ENTPD5: variants seen among roughly 807,000 people sequenced by gnomAD.
ENTPD5 encodes the protein nucleoside diphosphate phosphatase ENTPD5.
In ENTPD5, 49 loss-of-function variants were observed where a neutral mutation model predicts 60.2. That is an observed-to-expected ratio of 0.81 (90% CI 0.65 to 1.03). ENTPD5 has a LOEUF of 1.03. Ranked by LOEUF, ENTPD5 falls within the 50% of genes least tolerant of loss-of-function variation. The pLI is 0.00. For missense variants in ENTPD5, 480 were observed against 507.6 expected (o/e 0.95, Z 0.52); for synonymous variants, 187 against 185.4 (o/e 1.01, Z -0.07).
chr14:73,985,594 A>AT (rs1216759941), intron 5 of ENTPD5, among the ~76,000 whole-genome samples: 1 of 151,614 alleles, frequency 6.6e-6, no homozygotes, highest in African/African-American at 2.4e-5. Flanking sequence ...GGGTTGTTTG[A>AT]TTTTTTCTTG....
chr14:73,955,817 T>G, downstream of ENTPD5: 1 of 1,614,190 alleles, frequency 6.2e-7, no homozygotes, highest in Non-Finnish European at 8.5e-7. Context: ...GTGGGACGCC[T>G]GCTCAGAGGC....
chr14:74,006,207 G>C (rs1297204183), intron 3 of ENTPD5, among the ~76,000 whole-genome samples: 3 of 151,660 alleles, frequency 2.0e-5, no homozygotes, highest in Non-Finnish European at 4.4e-5. Context: ...TAGTCAGGCT[G>C]GTGATCATCT....
At chr14:73,994,416 C>T (rs919847597) in intron 3 of ENTPD5, among the ~76,000 whole-genome samples, 14 of 151,924 alleles carry the variant, frequency 9.2e-5, no homozygotes, top group South Asian at 4.1e-4. Context: ...CACAAGCCTC[C>T]GCACCGAGCA....
intron 1 of ENTPD5, among the ~76,000 whole-genome samples, chr14:74,018,197 T>C (rs1370812633): frequency 1.4e-5 from 2 of 142,054 alleles, no homozygotes; most frequent in African/African-American, 2.6e-5. Context: ...AAAAAAAAAG[T>C]TTACAAGGCT....
At chr14:73,958,365 T>C, downstream of ENTPD5, 2 of 1,597,698 alleles carry the variant, frequency 1.3e-6, no homozygotes, top group Non-Finnish European at 1.7e-6. Context: ...ATTTAAGCTA[T>C]AGTTTAATTT....
chr14:73,974,020 G>C, intron 11 of ENTPD5, 42 bp from the exon 12 acceptor site: 1 of 1,559,042 alleles, frequency 6.4e-7, no homozygotes, highest in South Asian at 1.1e-5. Flanking sequence ...AAGTAAGTGA[G>C]AGAGAGGGAG....
chr14:73,970,017 A>C lies in ENTPD5; in HGVS notation c.1193T>G (p.Val398Gly). 1 of 1,611,786 alleles carries C rather than the reference A, an allele frequency of 6.2e-7. No individual in the cohort carries two copies. Among genetic ancestry groups the C allele is most frequent in the Non-Finnish European group, 8.5e-7 (1 of 1,177,942 alleles). ...TGGTGTCCTGTCTCTTACCTGTAAG[A>C]CTGTGCTGTCTGCAAAGCCAAAGCC... Reference protein sequence around the residue: ...KDGFGFADSTVLQLTKKVNNI... With the variant: ...KDGFGFADSTGLQLTKKVNNI... Residue 398 changes from valine (V) to glycine (G), a missense_variant, in exon 15 of 16, where the codon GTC becomes GGC. Transcript: ENST00000334696.
intron 3 of ENTPD5, among the ~76,000 whole-genome samples, chr14:73,998,337 G>T (rs2058402022): frequency 6.6e-6 from 1 of 152,088 alleles, no homozygotes; most frequent in African/African-American, 2.4e-5. Flanking sequence ...AAATACGAAG[G>T]GCGGTAGAAG....
At chr14:73,987,459 G>A (rs1299818364) in intron 4 of ENTPD5, among the ~76,000 whole-genome samples, 2 of 152,096 alleles carry the variant, frequency 1.3e-5, no homozygotes, top group Non-Finnish European at 2.9e-5. Context: ...GCTGAGGTGG[G>A]AGGATCAATT....
At chr14:73,970,318 C>A (rs1384062304) in intron 14 of ENTPD5, among the ~76,000 whole-genome samples, 193 bp from the exon 15 acceptor site, 1 of 152,026 alleles carries the variant, frequency 6.6e-6, no homozygotes, top group East Asian at 1.9e-4. Flanking sequence ...GTGGTGAAAC[C>A]CCATCTCTAC....
At chr14:74,009,530 C>A (rs2058779760) in intron 3 of ENTPD5, among the ~76,000 whole-genome samples, 2 of 152,306 alleles carry the variant, frequency 1.3e-5, no homozygotes, top group South Asian at 4.1e-4. Context: ...AATAGGGGTT[C>A]CCCATAATTA....
chr14:73,975,024 G>A, intron 10 of ENTPD5, 39 bp from the exon 11 acceptor site: 6 of 1,501,426 alleles, frequency 4.0e-6, no homozygotes, highest in Non-Finnish European at 5.6e-6. Flanking sequence ...TGCTGGTCCT[G>A]AAGTTCTCTA....
At chr14:74,003,178 A>G (rs1204472830) in intron 3 of ENTPD5, among the ~76,000 whole-genome samples, 3 of 151,986 alleles carry the variant, frequency 2.0e-5, no homozygotes, top group African/African-American at 4.8e-5. Flanking sequence ...TTTCCACACC[A>G]CTTATCACAT....
Position 73,982,888 on chromosome 14 carries a change from G to A in ENTPD5, c.441+130C>T, listed in dbSNP as rs2057749735. ...AACAACTAGCTATAACAAGTGGTCAGAGTCATCACAATGCTTTGGCAGTGG... is the reference window on the plus strand; with the variant it reads ...AACAACTAGCTATAACAAGTGGTCAAAGTCATCACAATGCTTTGGCAGTGG... On this transcript the variant is annotated intron_variant, in intron 6 of 15. Transcript: ENST00000334696. 4 of 872,218 alleles carry A rather than the reference G, an allele frequency of 4.6e-6. No homozygotes were observed. The Admixed American group carries it at 6.9e-5, about 15-fold the overall frequency. The allele number at this position is 872,218 out of a possible 1,614,324, so 54.0% of individuals were successfully genotyped here.
chr14:73,967,078 T>G, intron 15 of ENTPD5, 64 bp from the exon 16 acceptor site: 3 of 1,404,358 alleles, frequency 2.1e-6, no homozygotes, highest in Non-Finnish European at 3.0e-6. Flanking sequence ...AGCACAGCTC[T>G]TGGGCAGAAA....
chr14:73,976,479 C>G (rs1227486291), intron 8 of ENTPD5, 67 bp from the exon 9 acceptor site: 1 of 1,266,344 alleles, frequency 7.9e-7, no homozygotes, highest in Non-Finnish European at 1.2e-6. Flanking sequence ...GTCTCTCTTG[C>G]TCTTATCATA....
rs1253905454 is a variant in ENTPD5 at position 74,019,269 on chromosome 14, C to T, written c.-257G>A. ...ACTCACCGCGCGCGCGCCACCCTTG[C>T]GCGGCAGCCCGCCGCCCTCGGCGCG... is the stretch of plus-strand genomic sequence containing the variant. On this transcript the variant is annotated 5_prime_UTR_variant, in exon 1 of 16. Transcript: ENST00000334696. 6 of 346,664 alleles carry T rather than the reference C, an allele frequency of 1.7e-5. No individual in the cohort carries two copies. Among genetic ancestry groups the T allele is most frequent in the Non-Finnish European group, 2.5e-5 (6 of 242,810 alleles). The allele number at this position is 346,664 out of a possible 1,614,324, so 21.5% of individuals were successfully genotyped here. A position where few individuals can be genotyped will look rare whatever the true frequency, so the allele number is the denominator to read the frequency against.
At chr14:73,979,216 C>T (rs1193807874) in intron 6 of ENTPD5, among the ~76,000 whole-genome samples, 2 of 152,068 alleles carry the variant, frequency 1.3e-5, no homozygotes, top group Non-Finnish European at 2.9e-5. Flanking sequence ...AGACTTCTTC[C>T]CTGACTGTCC....
At chr14:73,988,792 G>A (rs777028311) in intron 3 of ENTPD5, among the ~76,000 whole-genome samples, 12 of 151,954 alleles carry the variant, frequency 7.9e-5, no homozygotes, top group East Asian at 1.9e-4. Flanking sequence ...TGAGCCTGGC[G>A]TGTTTCACTT....
Sources: allele counts gnomAD v4.1 joint callset (sites outside exome capture counted in the v4.1 genomes callset), GRCh38; gene constraint gnomAD v4.1.1; transcripts MANE v1.5; gene names NCBI Gene and HGNC (gene_info 2026-07-23, HGNC 2026-07-21).